Variants in MECOM observed in about 807,000 individuals in gnomAD.
The protein encoded by MECOM is histone-lysine N-methyltransferase MECOM.
In MECOM, 13 loss-of-function variants were observed where a neutral mutation model predicts 116.3. The ratio of observed to expected loss-of-function variants is 0.11; its 90% CI spans 0.07 to 0.18. The LOEUF (loss-of-function observed/expected upper bound fraction) is 0.18. Among genes scored for constraint, MECOM ranks in the 10% least tolerant of loss-of-function variants. MECOM has a pLI of 1.00. For missense variants in MECOM, 1,299 were observed against 1,509.0 expected, an observed-to-expected ratio of 0.86 and a Z score of 2.31; for synonymous variants, 528 against 535.2, an observed-to-expected ratio of 0.99 and a Z score of 0.19.
In MECOM at chr3:169,122,668, G is replaced by A. The variant is rs1731427033; in HGVS notation, c.890C>T (p.Pro297Leu). ...EEREYKCDQC[P>L]KAFNWKSNLI... Reference sequence around the variant, plus strand: ...ATTGGACTTCCAGTTAAATGCCTTGGGACACTGATCACACTTGTATTCCCT... The same window carrying A: ...ATTGGACTTCCAGTTAAATGCCTTGAGACACTGATCACACTTGTATTCCCT... Residue 297 changes from proline to leucine, a missense_variant, in exon 6 of 17, where the codon CCC (proline) becomes CTC (leucine). By Grantham distance (98) the Pro-to-Leu change is moderately conservative (BLOSUM62 -3). Coordinates refer to ENST00000651503, the MANE Select transcript of MECOM (RefSeq NM_004991.4). 6.2e-7 allele frequency: 1 copy of A among 1,613,932 alleles called. No individual in the cohort carries two copies. The highest frequency in any genetic ancestry group is 1.1e-5 in the South Asian group (1 of 91,064).
At chr3:169,488,087 A>G (rs1244997990) in intron 1 of MECOM, among the ~76,000 whole-genome samples, 1 of 152,116 alleles carries the variant, frequency 6.6e-6, no homozygotes, top group East Asian at 1.9e-4. Context: ...ACAAGAAATA[A>G]ATGGACAAAT....
chr3:169,341,726 T>G (rs1486675536), intron 2 of MECOM, among the ~76,000 whole-genome samples: 1 of 134,046 alleles, frequency 7.5e-6, no homozygotes, highest in Non-Finnish European at 1.5e-5. Context: ...AGTGACAGAG[T>G]GAGACTCCCT....
intron 2 of MECOM, among the ~76,000 whole-genome samples, chr3:169,150,783 T>C (rs1340469575): frequency 6.6e-6 from 1 of 152,114 alleles, no homozygotes; most frequent in African/African-American, 2.4e-5. Context: ...AATATGAGGG[T>C]TGAGTGTGGG....
chr3:169,146,183 T>G, intron 2 of MECOM: 1 of 1,108,140 alleles, frequency 9.0e-7, no homozygotes, highest in Non-Finnish European at 1.1e-6. Flanking sequence ...GAAAGGCCCT[T>G]TCAAAAAACC....
intron 2 of MECOM, among the ~76,000 whole-genome samples, chr3:169,288,771 G>A (rs138723326): frequency 9.9e-5 from 15 of 152,232 alleles, no homozygotes; most frequent in African/African-American, 2.4e-4. Context: ...TAGGTGTTCC[G>A]TCAGTATTTG....
intron 1 of MECOM, among the ~76,000 whole-genome samples, chr3:169,547,530 C>T (rs1195985225): frequency 6.6e-6 from 1 of 152,180 alleles, no homozygotes; most frequent in Non-Finnish European, 1.5e-5. Context: ...TACTCCACCT[C>T]TGCCACTCTC....
At chr3:169,111,971 T>C (rs1318587260) in intron 9 of MECOM, among the ~76,000 whole-genome samples, 1 of 152,126 alleles carries the variant, frequency 6.6e-6, no homozygotes, top group African/African-American at 2.4e-5. Context: ...TTTATTCTAT[T>C]TTTAAGAATT....
chr3:169,231,287 T>C (rs1454613670), intron 2 of MECOM, among the ~76,000 whole-genome samples: 1 of 152,152 alleles, frequency 6.6e-6, no homozygotes, highest in East Asian at 1.9e-4. Context: ...CCATAAAACA[T>C]TTATTCAACA....
At chr3:169,214,325 T>C (rs530044843) in intron 2 of MECOM, among the ~76,000 whole-genome samples, 1 of 151,956 alleles carries the variant, frequency 6.6e-6, no homozygotes, top group South Asian at 2.1e-4. Context: ...ACTTGCCAAA[T>C]TCAATTTAAT....
At chr3:169,554,737 G>T (rs1761833242) in intron 1 of MECOM, among the ~76,000 whole-genome samples, 1 of 152,184 alleles carries the variant, frequency 6.6e-6, no homozygotes, top group Non-Finnish European at 1.5e-5. Context: ...TGCTGCTGTG[G>T]TTCATATACT....
intron 1 of MECOM, among the ~76,000 whole-genome samples, chr3:169,542,591 C>T (rs1760224037): frequency 6.6e-6 from 1 of 152,016 alleles, no homozygotes; most frequent in African/African-American, 2.4e-5. Flanking sequence ...TATGATTAGC[C>T]CCTGACTTCT....
intron 1 of MECOM, among the ~76,000 whole-genome samples, chr3:169,473,566 C>T (rs1041381573): frequency 2.0e-5 from 3 of 152,010 alleles, no homozygotes; most frequent in South Asian, 2.1e-4. Flanking sequence ...GTCAGGAGAT[C>T]GAGACAATCC....
At chr3:169,226,433 G>T (rs988391437) in intron 2 of MECOM, among the ~76,000 whole-genome samples, 1 of 152,078 alleles carries the variant, frequency 6.6e-6, no homozygotes, top group African/African-American at 2.4e-5. Flanking sequence ...TGTGAATTAC[G>T]TATTATGAAT....
At chr3:169,349,311 A>G (rs1196881201) in intron 2 of MECOM, among the ~76,000 whole-genome samples, 4 of 151,662 alleles carry the variant, frequency 2.6e-5, no homozygotes, top group African/African-American at 9.7e-5. Context: ...GAAATTTTCT[A>G]CTGTGGAGAG....
chr3:169,499,466 T>C (rs1240262787), intron 1 of MECOM, among the ~76,000 whole-genome samples: 1 of 142,852 alleles, frequency 7.0e-6, no homozygotes, highest in Non-Finnish European at 1.5e-5. Flanking sequence ...CAAGGCAAAA[T>C]AGCTAAACCA....
chr3:169,392,172 C>T (rs532155334), intron 1 of MECOM, among the ~76,000 whole-genome samples: 61 of 152,226 alleles, frequency 4.0e-4, no homozygotes, highest in Non-Finnish European at 6.9e-4. Context: ...ATTTAAGCTA[C>T]CCATTATATC....
chr3:169,090,667 A>T (rs1311729946), intron 14 of MECOM, among the ~76,000 whole-genome samples: 2 of 151,956 alleles, frequency 1.3e-5, no homozygotes, highest in Admixed American at 1.3e-4. Context: ...TACAATACAC[A>T]TGCCTAAAGT....
At chr3:169,114,917 G>C (rs1728644840) in intron 8 of MECOM, among the ~76,000 whole-genome samples, 1 of 152,060 alleles carries the variant, frequency 6.6e-6, no homozygotes, top group Non-Finnish European at 1.5e-5. Flanking sequence ...GATTTATTTA[G>C]AAACAATATG....
At chr3:169,653,080 T>G (rs1326386248) in intron 1 of MECOM, among the ~76,000 whole-genome samples, 2 of 152,178 alleles carry the variant, frequency 1.3e-5, no homozygotes, top group Non-Finnish European at 2.9e-5. Context: ...TGGTGAAAAT[T>G]AGGAATAATA....
Sources: allele counts gnomAD v4.1 joint callset (sites outside exome capture counted in the v4.1 genomes callset), GRCh38; gene constraint gnomAD v4.1.1; transcripts MANE v1.5; gene names NCBI Gene and HGNC (gene_info 2026-07-23, HGNC 2026-07-21).